The following ARB2A variants were observed in gnomAD, a reference collection of about 807,000 sequenced individuals.
The protein encoded by ARB2A is cotranscriptional regulator ARB2A.
At chr5:93,784,340 C>T in the ARB2A span, 3 of 1,421,934 alleles carry the variant, frequency 2.1e-6, no homozygotes, top group African/African-American at 2.8e-5. Context: ...GATATAAAGG[C>T]TCACACCCAT....
At chr5:93,936,943 T>G in the ARB2A span, among the ~76,000 whole-genome samples, 13 of 150,040 alleles carry the variant, frequency 8.7e-5, no homozygotes, top group Non-Finnish European at 1.5e-4. Flanking sequence ...TATAAAGGTT[T>G]TTTTTTTTTT....
At chr5:93,951,814 A>G in the ARB2A span, among the ~76,000 whole-genome samples, 10 of 152,184 alleles carry the variant, frequency 6.6e-5, no homozygotes, top group South Asian at 1.0e-3. Flanking sequence ...TATCTCATGT[A>G]CCCCATAAAT....
the ARB2A span, chr5:93,743,542 A>AT: frequency 8.1e-6 from 8 of 985,170 alleles, no homozygotes; most frequent in Non-Finnish European, 9.6e-6. Context: ...CTTACATGCT[A>AT]TTTTTTTCAA....
chr5:93,953,662 T>C, the ARB2A span, among the ~76,000 whole-genome samples: 6 of 152,040 alleles, frequency 3.9e-5, no homozygotes, highest in African/African-American at 1.4e-4. Flanking sequence ...ACCACCTGTG[T>C]CCACTCAAGG....
chr5:94,001,707 T>A, the ARB2A span, among the ~76,000 whole-genome samples: 1 of 152,240 alleles, frequency 6.6e-6, no homozygotes, highest in Admixed American at 6.5e-5. Context: ...GCCCATCTGT[T>A]CTTGCATAAT....
chr5:93,728,399 A>G, the ARB2A span, among the ~76,000 whole-genome samples: 1 of 152,072 alleles, frequency 6.6e-6, no homozygotes, highest in African/African-American at 2.4e-5. Flanking sequence ...AGAGTTTCTA[A>G]TCAGATACAT....
At chr5:94,039,822 G>C in the ARB2A span, among the ~76,000 whole-genome samples, 1 of 151,970 alleles carries the variant, frequency 6.6e-6, no homozygotes, top group Non-Finnish European at 1.5e-5. Flanking sequence ...GGTGGGGTCT[G>C]GTAACATCTT....
At chr5:93,816,494 A>G in the ARB2A span, among the ~76,000 whole-genome samples, 1 of 152,200 alleles carries the variant, frequency 6.6e-6, no homozygotes, top group African/African-American at 2.4e-5. Context: ...TAATTTTGCC[A>G]GGCAATCCTT....
At chr5:93,986,075 C>T in the ARB2A span, among the ~76,000 whole-genome samples, 3 of 150,382 alleles carry the variant, frequency 2.0e-5, no homozygotes, top group Non-Finnish European at 4.4e-5. Flanking sequence ...CCGGCCGCCC[C>T]GTCTGGGAGG....
the ARB2A span, among the ~76,000 whole-genome samples, chr5:93,876,361 T>C: frequency 6.6e-6 from 1 of 152,166 alleles, no homozygotes; most frequent in Non-Finnish European, 1.5e-5. Flanking sequence ...ATGATGTGTA[T>C]TGCCTAGACC....
chr5:94,048,513 T>C, the ARB2A span, among the ~76,000 whole-genome samples: 2 of 152,354 alleles, frequency 1.3e-5, no homozygotes, highest in East Asian at 1.9e-4. Context: ...TCATGGATGC[T>C]GTCAGATGAC....
the ARB2A span, among the ~76,000 whole-genome samples, chr5:93,891,651 C>T: frequency 6.6e-6 from 1 of 151,962 alleles, no homozygotes; most frequent in Admixed American, 6.6e-5. Context: ...CAGAAACTAC[C>T]AAGCAGAAAA....
At chr5:93,754,972 C>T in the ARB2A span, among the ~76,000 whole-genome samples, 2 of 152,074 alleles carry the variant, frequency 1.3e-5, no homozygotes, top group Admixed American at 6.6e-5. Flanking sequence ...TTATTTGTTC[C>T]GTATAAACAG....
the ARB2A span, among the ~76,000 whole-genome samples, chr5:93,671,247 T>C: frequency 6.6e-6 from 1 of 152,192 alleles, no homozygotes; most frequent in Non-Finnish European, 1.5e-5. Flanking sequence ...TGTTACTGAG[T>C]AATAATTGTC....
At chr5:93,943,475 T>A in the ARB2A span, among the ~76,000 whole-genome samples, 1 of 152,136 alleles carries the variant, frequency 6.6e-6, no homozygotes, top group Non-Finnish European at 1.5e-5. Flanking sequence ...TACTCCACAC[T>A]CTGTTTAGAC....
chr5:93,811,122 G>A, the ARB2A span, among the ~76,000 whole-genome samples: 1 of 152,102 alleles, frequency 6.6e-6, no homozygotes, highest in African/African-American at 2.4e-5. Flanking sequence ...GACTGTTCCA[G>A]CGAGATATAA....
the ARB2A span, among the ~76,000 whole-genome samples, chr5:93,817,120 G>C: frequency 6.7e-6 from 1 of 150,236 alleles, no homozygotes; most frequent in African/African-American, 2.5e-5. Context: ...ACACTGATTA[G>C]AACTAAAAAT....
chr5:93,892,852 T>C, the ARB2A span, among the ~76,000 whole-genome samples: 2 of 152,148 alleles, frequency 1.3e-5, no homozygotes, highest in African/African-American at 4.8e-5. Context: ...ATTTGGCTCT[T>C]AAGAGTCCTT....
At chr5:93,893,527 CA>C in the ARB2A span, among the ~76,000 whole-genome samples, 6 of 151,998 alleles carry the variant, frequency 3.9e-5, no homozygotes, top group Non-Finnish European at 4.4e-5. Flanking sequence ...ACATATAGAA[CA>C]AAATAAAAAA....
Sources: gnomAD v4.1 joint callset for allele counts (sites outside exome capture counted in the v4.1 genomes callset) on GRCh38, gnomAD v4.1.1 for gene constraint, MANE v1.5 for transcripts, NCBI Gene and HGNC (gene_info 2026-07-23, HGNC 2026-07-21) for gene names.